Variants in RGPD3 observed in about 807,000 individuals in gnomAD.
The protein encoded by RGPD3 is RANBP2 like and GRIP domain containing 3.
Under a neutral mutation model 154.5 loss-of-function variants are expected in RGPD3, and 62 were observed. The ratio of observed to expected loss-of-function variants is 0.40; its 90% CI spans 0.33 to 0.50. RGPD3 has a LOEUF of 0.50. Ranked by LOEUF, RGPD3 falls within the 20% of genes least tolerant of loss-of-function variation. The pLI, the probability that RGPD3 is intolerant of heterozygous loss-of-function variation, is 0.59. For missense variants in RGPD3, 919 were observed against 1,716.8 expected (o/e 0.54, Z 8.21); for synonymous variants, 308 against 607.0 (o/e 0.51, Z 7.24).
rs554129403 is a variant in RGPD3 at position 106,468,194 on chromosome 2, C to T, written c.72+23G>A. 4.1e-5 allele frequency: 66 copies of T among 1,593,704 alleles called. 1 individual carries two copies. Among genetic ancestry groups the T allele is most frequent in the South Asian group, 2.0e-4 (18 of 88,174 alleles). On this transcript the variant is annotated intron_variant, in intron 1 of 22. Coordinates refer to ENST00000409886, the MANE Select transcript of RGPD3 (RefSeq NM_001144013.2). ...CGCCGCCCGGCCAGGTCGAGGCCGT[C>T]GGTCTCTTCCAGACCCACTCACCTT...
chr2:106,463,079 C>T (rs1678451448), intron 1 of RGPD3, among the ~76,000 whole-genome samples: 1 of 150,886 alleles, frequency 6.6e-6, no homozygotes, highest in Non-Finnish European at 1.5e-5. Context: ...AATGAGTTTC[C>T]CAATTGAAAG....
rs1455734185 is a variant in RGPD3, at chr2:106,405,126, T to C, written c.*93A>G. 2 of 1,572,516 alleles carry C rather than the reference T, an allele frequency of 1.3e-6. No individual in the cohort carries two copies. The highest frequency in any genetic ancestry group is 2.7e-5 in the African/African-American group (2 of 73,152). On this transcript the variant is annotated 3_prime_UTR_variant, in exon 23 of 23. Coordinates refer to ENST00000409886, the MANE Select transcript of RGPD3 (RefSeq NM_001144013.2). ...ATGAACCATTTTTGTAAATAGATTT[T>C]ATTTGGTTAATAAAAACATTCCTTC...
chr2:106,440,390 C>T (rs1426660667), intron 8 of RGPD3, among the ~76,000 whole-genome samples: 1 of 151,280 alleles, frequency 6.6e-6, no homozygotes, highest in Admixed American at 6.6e-5. Context: ...CTTACAGAGG[C>T]ACCCTCGGGA....
At chr2:106,461,192 C>A (rs1202677519) in intron 1 of RGPD3, among the ~76,000 whole-genome samples, 1 of 122,726 alleles carries the variant, frequency 8.1e-6, no homozygotes, top group Admixed American at 8.9e-5. Context: ...ATCTTAGCAA[C>A]CCCAGTATAT....
intron 7 of RGPD3, among the ~76,000 whole-genome samples, chr2:106,443,268 TA>T (rs1677812980): frequency 6.6e-6 from 1 of 151,784 alleles, no homozygotes. Flanking sequence ...GCAATAACAT[TA>T]GTTTCTTTGG....
chr2:106,432,427 T>G (rs1186708506), intron 17 of RGPD3, among the ~76,000 whole-genome samples: 2 of 145,966 alleles, frequency 1.4e-5, no homozygotes, highest in East Asian at 4.1e-4. Context: ...CACTCCAGCC[T>G]GGGCAACAGA....
intron 20 of RGPD3, among the ~76,000 whole-genome samples, chr2:106,418,307 A>G (rs1676873581): frequency 6.7e-6 from 1 of 148,982 alleles, no homozygotes; most frequent in Non-Finnish European, 1.5e-5. Flanking sequence ...ACTGCTAAAT[A>G]CTGGCCAAAA....
Position 106,413,214 on chromosome 2 carries a change from G to A in RGPD3, c.5136C>T (p.His1712=), listed in dbSNP as rs199970422. The change falls in exon 22 of 23, where the codon CAC becomes CAT. Residue 1712 remains histidine (H), a synonymous_variant. Transcript: ENST00000409886. ...TGAACTGCAGCAAGACGTTCTTCAA[G>A]TGTTCCACGTTAGCTGCAGACACCT... ...EQEVSAANVE[H]LKNVLLQFIF... is the part of the protein sequence containing the mutation. 3.2e-3 allele frequency: 5,223 copies of A among 1,611,976 alleles called. 8 individuals carry two copies. Among genetic ancestry groups the A allele is most frequent in the Non-Finnish European group, 4.0e-3 (4,684 of 1,179,862 alleles).
Position 106,415,845 on chromosome 2 carries a change from C to A in RGPD3, c.5064+5G>T, listed in dbSNP as rs202077767. ...TTTTATGGTGGCCAGGTTTTCTGAT[C>A]TCACCTTAATTTGCTCCATAAGGAC... On this transcript the variant is annotated splice_donor_5th_base_variant and intron_variant, in intron 21 of 22. Transcript: ENST00000409886. The A allele has an allele frequency of 9.7e-5, 156 of 1,611,642 alleles. No individual in the cohort carries two copies. Among genetic ancestry groups the A allele is most frequent in the Non-Finnish European group, 6.8e-5 (80 of 1,179,822 alleles).
At chr2:106,410,757 A>G (rs1676646202) in intron 22 of RGPD3, among the ~76,000 whole-genome samples, 1 of 152,036 alleles carries the variant, frequency 6.6e-6, no homozygotes, top group Non-Finnish European at 1.5e-5. Flanking sequence ...TAACTATAAA[A>G]TTAGGTTTAC....
At chr2:106,418,375 T>C (rs1448327020) in intron 20 of RGPD3, among the ~76,000 whole-genome samples, 1 of 151,240 alleles carries the variant, frequency 6.6e-6, no homozygotes, top group African/African-American at 2.4e-5. Flanking sequence ...TGCTGCATAC[T>C]TCTTGAAACA....
Position 106,403,758 on chromosome 2 carries a change from G to A in RGPD3, c.*1461C>T, listed in dbSNP as rs1177719892. Among the ~76,000 whole-genome samples, 1 of 152,266 alleles carries A rather than the reference G, an allele frequency of 6.6e-6. No individual in the cohort carries two copies. Among genetic ancestry groups the A allele is most frequent in the African/African-American group, 2.4e-5 (1 of 41,484 alleles). ...TAGTTAGGTCTGTTCTTCTAAGGAG[G>A]AAAGACGAGATATATGAGATATTTT... On this transcript the variant is annotated 3_prime_UTR_variant, in exon 23 of 23. Coordinates refer to ENST00000409886, the MANE Select transcript of RGPD3 (RefSeq NM_001144013.2).
At chr2:106,465,805 T>C (rs534429876) in intron 1 of RGPD3, among the ~76,000 whole-genome samples, 76 of 141,884 alleles carry the variant, frequency 5.4e-4, no homozygotes, top group South Asian at 4.8e-3. Flanking sequence ...GTATGAGGAG[T>C]GGAGTGGAGC....
chr2:106,418,177 G>A (rs1475709329), intron 20 of RGPD3, among the ~76,000 whole-genome samples: 2 of 144,742 alleles, frequency 1.4e-5, no homozygotes, highest in East Asian at 3.2e-4. Flanking sequence ...TTTTAACTAC[G>A]TTAGTCATTT....
At position 106,461,125 on chromosome 2, in the gene RGPD3, CA is replaced by C. The variant is rs542997967; in HGVS notation, c.73-1794del. On this transcript the variant is annotated intron_variant, in intron 1 of 22. Transcript: ENST00000409886. ...TTGGGGTGTCACAACAAAACTAGCACAAATTTCTTTTTCTTTCTTCACAATT... is the reference window on the plus strand; with the variant it reads ...TTGGGGTGTCACAACAAAACTAGCACAATTTCTTTTTCTTTCTTCACAATT... Among the ~76,000 whole-genome samples the C allele has an allele frequency of 2.5e-4, 24 of 96,418 alleles. 1 individual carries two copies. In the South Asian group the frequency reaches 0.011, roughly 45 times the overall value. 63.3% of individuals were successfully genotyped at this position (96,418 alleles called of 152,430 possible). A position where few individuals can be genotyped will look rare whatever the true frequency, so the allele number is the denominator to read the frequency against.
chr2:106,424,169 G>A lies in RGPD3; in HGVS notation c.3798C>T (p.Ser1266=), dbSNP rs1677104263. 6.2e-7 allele frequency: 1 copy of A among 1,611,658 alleles called. No individual in the cohort carries two copies. Among genetic ancestry groups the A allele is most frequent in the African/African-American group, 1.3e-5 (1 of 74,892 alleles). Residue 1266 remains serine (S), a synonymous_variant, in exon 20 of 23, where the codon AGC becomes AGT. Coordinates refer to ENST00000409886, the MANE Select transcript of RGPD3 (RefSeq NM_001144013.2). ...TTGCCAATGGAGAAGCATGTACTGA[G>A]CTACTACTGACACTATCATCCAAAG... ...EDALDDSVSS[S]SVHASPLASS...
chr2:106,432,406 T>C (rs575135482), intron 17 of RGPD3, among the ~76,000 whole-genome samples: 33 of 146,648 alleles, frequency 2.3e-4, no homozygotes, highest in African/African-American at 7.2e-4. Flanking sequence ...TGAGCCAAGA[T>C]TGCACCACTG....
intron 9 of RGPD3, among the ~76,000 whole-genome samples, chr2:106,438,148 G>A (rs1278147807): frequency 6.6e-6 from 1 of 151,624 alleles, no homozygotes; most frequent in Admixed American, 6.6e-5. Flanking sequence ...GGATGGTCTT[G>A]AACTCCTGAT....
intron 7 of RGPD3, among the ~76,000 whole-genome samples, chr2:106,446,864 G>C (rs1247439866): frequency 6.6e-6 from 1 of 151,566 alleles, no homozygotes; most frequent in African/African-American, 2.4e-5. Context: ...CCTGGCGACA[G>C]AGAGAGACTT....
Sources: allele counts gnomAD v4.1 joint callset (sites outside exome capture counted in the v4.1 genomes callset), GRCh38; gene constraint gnomAD v4.1.1; transcripts MANE v1.5; gene names NCBI Gene and HGNC (gene_info 2026-07-23, HGNC 2026-07-21).